The following SLC9A2 variants were observed in gnomAD, a reference collection of about 807,000 sequenced individuals.
SLC9A2 encodes sodium/hydrogen exchanger 2.
A neutral mutation model predicts 71.7 loss-of-function variants in SLC9A2; 42 were observed. The ratio of observed to expected loss-of-function variants is 0.59; its 90% CI spans 0.46 to 0.76. The LOEUF is 0.76. SLC9A2 is among the 30% of genes least tolerant of loss of function. The pLI is 0.00. For synonymous variants in SLC9A2, 396 were observed against 392.5 expected, an observed-to-expected ratio of 1.01 and a Z score of -0.10; for missense variants, 829 against 1,017.4, an observed-to-expected ratio of 0.81 and a Z score of 2.52.
chr2:102,681,267 G>A (rs1677448099), intron 3 of SLC9A2, among the ~76,000 whole-genome samples: 1 of 148,936 alleles, frequency 6.7e-6, no homozygotes, highest in Admixed American at 6.6e-5. Context: ...GTAGAGATGA[G>A]GTCTCATTTT....
intron 3 of SLC9A2, among the ~76,000 whole-genome samples, chr2:102,675,877 C>T (rs1404302389): frequency 3.3e-5 from 5 of 152,216 alleles, no homozygotes; most frequent in African/African-American, 1.2e-4. Flanking sequence ...TCTGCCTATA[C>T]TCCCATTTCC....
At chr2:102,688,706 G>A (rs921983416) in intron 5 of SLC9A2, among the ~76,000 whole-genome samples, 3 of 152,202 alleles carry the variant, frequency 2.0e-5, no homozygotes, top group East Asian at 1.9e-4. Flanking sequence ...CCAGCCTGGC[G>A]ACAGAGCAAG....
chr2:102,675,367 C>A (rs1677329437), intron 3 of SLC9A2, among the ~76,000 whole-genome samples: 2 of 151,998 alleles, frequency 1.3e-5, no homozygotes, highest in South Asian at 2.1e-4. Context: ...CAGGTGGGAG[C>A]CTTTGGAATC....
At chr2:102,646,215 G>A (rs1017449295) in intron 1 of SLC9A2, among the ~76,000 whole-genome samples, 2 of 152,122 alleles carry the variant, frequency 1.3e-5, no homozygotes, top group Non-Finnish European at 2.9e-5. Flanking sequence ...CTTCATAAGC[G>A]AAGGAGAAAT....
intron 3 of SLC9A2, among the ~76,000 whole-genome samples, chr2:102,666,758 A>G (rs543247968): frequency 4.7e-4 from 72 of 152,300 alleles, no homozygotes; most frequent in African/African-American, 1.7e-3. Context: ...CTATTATGGT[A>G]AGACCCTGTA....
intron 1 of SLC9A2, among the ~76,000 whole-genome samples, chr2:102,656,156 C>T (rs560893275): frequency 6.6e-6 from 1 of 152,214 alleles, no homozygotes; most frequent in Non-Finnish European, 1.5e-5. Flanking sequence ...GCGCTCCAAA[C>T]TTAAGCTCTG....
At chr2:102,655,414 A>C (rs1290377617) in intron 1 of SLC9A2, among the ~76,000 whole-genome samples, 4 of 152,182 alleles carry the variant, frequency 2.6e-5, no homozygotes, top group Admixed American at 2.6e-4. Context: ...TCGGCCTCCC[A>C]AAATGCTGGG....
chr2:102,678,328 T>TA (rs11412239), intron 3 of SLC9A2, among the ~76,000 whole-genome samples: 54,028 of 142,642 alleles, frequency 0.38, 9,882 homozygotes, highest in East Asian at 0.53. Context: ...TATGGAAAAT[T>TA]AAAAAAAAAA....
At chr2:102,695,419 C>T (rs1252306812) in intron 7 of SLC9A2, among the ~76,000 whole-genome samples, 1 of 152,152 alleles carries the variant, frequency 6.6e-6, no homozygotes, top group Admixed American at 6.6e-5. Flanking sequence ...GAGTAGCCTT[C>T]ATTTCCAAGG....
chr2:102,656,559 T>C (rs185617197), intron 1 of SLC9A2, among the ~76,000 whole-genome samples: 17 of 152,366 alleles, frequency 1.1e-4, no homozygotes, highest in Non-Finnish European at 2.1e-4. Context: ...GGCATGTTTA[T>C]ATCCCTCATA....
At chr2:102,696,575 G>A (rs751727148) in intron 7 of SLC9A2, among the ~76,000 whole-genome samples, 13 of 152,122 alleles carry the variant, frequency 8.5e-5, no homozygotes, top group South Asian at 2.1e-4. Context: ...CAACAAAACC[G>A]TCACACAGCA....
intron 2 of SLC9A2, among the ~76,000 whole-genome samples, chr2:102,659,547 T>G (rs544285663): frequency 1.1e-4 from 17 of 152,298 alleles, no homozygotes; most frequent in African/African-American, 3.9e-4. Context: ...TAAAATGTCA[T>G]CTCTAAGGAC....
chr2:102,663,337 C>T (rs999431571), intron 2 of SLC9A2, among the ~76,000 whole-genome samples: 1 of 152,106 alleles, frequency 6.6e-6, no homozygotes, highest in African/African-American at 2.4e-5. Flanking sequence ...AGGGAATAAT[C>T]CACTATTTTT....
At position 102,701,240 on chromosome 2, in the gene SLC9A2, G is replaced by A. The variant is rs753632082; in HGVS notation, c.1748+9G>A. 2 of 1,575,360 alleles carry A rather than the reference G, an allele frequency of 1.3e-6. No homozygotes were observed. Among genetic ancestry groups the A allele is most frequent in the Non-Finnish European group, 1.7e-6 (2 of 1,164,388 alleles). On this transcript the variant is annotated intron_variant, in intron 8 of 11. Transcript: ENST00000233969. ...ACATTTGCATCTCTAAAGTAAGTAT[G>A]GTCTTGCAAATAAAAGTTAGTATTG...
intron 5 of SLC9A2, among the ~76,000 whole-genome samples, chr2:102,685,767 G>A (rs1282450880): frequency 6.6e-6 from 1 of 152,176 alleles, no homozygotes; most frequent in East Asian, 1.9e-4. Context: ...TGACGGGCAT[G>A]CTGCATTAGG....
chr2:102,709,709 A>T lies in SLC9A2; in HGVS notation c.*1220A>T, dbSNP rs1415347157. Reference sequence around the variant, plus strand: ...AATTCTACTCATTAGAGTACTTTTTAAAAGTACAGCAGAAAGAAAAGAAGT... The same window carrying T: ...AATTCTACTCATTAGAGTACTTTTTTAAAGTACAGCAGAAAGAAAAGAAGT... On this transcript the variant is annotated 3_prime_UTR_variant, in exon 12 of 12. Transcript: ENST00000233969. The T allele has an allele frequency of 6.5e-6, 1 of 152,776 alleles. No individual in the cohort carries two copies. Among genetic ancestry groups the T allele is most frequent in the Non-Finnish European group, 1.5e-5 (1 of 68,018 alleles). The allele number at this position is 152,776 out of a possible 1,614,324, so 9.5% of individuals were successfully genotyped here.
chr2:102,638,040 T>G (rs1676502367), intron 1 of SLC9A2, among the ~76,000 whole-genome samples: 1 of 152,182 alleles, frequency 6.6e-6, no homozygotes, highest in African/African-American at 2.4e-5. Context: ...TTTGCTGATT[T>G]TCCAAGATAA....
At chr2:102,620,339 G>A (rs1676110698) in intron 1 of SLC9A2, among the ~76,000 whole-genome samples, 1 of 152,160 alleles carries the variant, frequency 6.6e-6, no homozygotes, top group Non-Finnish European at 1.5e-5. Context: ...GGGAACATTG[G>A]CCTTGAAATG....
intron 2 of SLC9A2, among the ~76,000 whole-genome samples, chr2:102,660,170 G>T (rs1677023239): frequency 6.6e-6 from 1 of 152,200 alleles, no homozygotes; most frequent in African/African-American, 2.4e-5. Context: ...AGGCACAGAG[G>T]CACAACTGTG....
Sources: gnomAD v4.1 joint callset for allele counts (sites outside exome capture counted in the v4.1 genomes callset) on GRCh38, gnomAD v4.1.1 for gene constraint, MANE v1.5 for transcripts, NCBI Gene and HGNC (gene_info 2026-07-23, HGNC 2026-07-21) for gene names.